The following ADAMTS16 variants were observed in gnomAD, a reference collection of about 807,000 sequenced individuals.
The protein encoded by ADAMTS16 is A disintegrin and metalloproteinase with thrombospondin motifs 16.
Under a neutral mutation model 145.8 loss-of-function variants are expected in ADAMTS16, and 94 were observed. That is an observed-to-expected ratio of 0.64 (90% confidence interval 0.55 to 0.77). The LOEUF is 0.77. Among genes scored for constraint, ADAMTS16 ranks in the 30% least tolerant of loss-of-function variants. The pLI is 0.00. For synonymous variants in ADAMTS16, 659 were observed against 604.3 expected, an observed-to-expected ratio of 1.09 and a Z score of -1.33; for missense variants, 1,585 against 1,591.5, an observed-to-expected ratio of 1.00 and a Z score of 0.07.
chr5:5,318,228 C>G lies in ADAMTS16; in HGVS notation c.3506C>G (p.Pro1169Arg). The part of the protein sequence containing the change: ...PASGCLLHQK[P>R]SASLACNTHF... ...TCAGGCTGCCTCCTGCACCAGAAGC[C>G]TTCGGCCTCCCTGGCCTGCAACACT... is the stretch of plus-strand genomic sequence containing the variant. Residue 1169 changes from proline (P) to arginine (R), a missense_variant, in exon 22 of 23, where the codon CCT becomes CGT. This residue lies in a region of ADAMTS16 where 834 missense variants were observed against 811.7 expected (regional missense o/e 1.03). Transcript: ENST00000274181. The G allele has an allele frequency of 6.4e-7, 1 of 1,568,146 alleles. No individual in the cohort carries two copies. Among genetic ancestry groups the G allele is most frequent in the Non-Finnish European group, 8.7e-7 (1 of 1,152,134 alleles).
intron 3 of ADAMTS16, among the ~76,000 whole-genome samples, chr5:5,178,345 G>A (rs908390597): frequency 1.3e-5 from 2 of 152,166 alleles, no homozygotes; most frequent in Non-Finnish European, 2.9e-5. Flanking sequence ...TAATCCACCC[G>A]CCTGACATTC....
intron 17 of ADAMTS16, among the ~76,000 whole-genome samples, chr5:5,255,150 T>C (rs1737741477): frequency 6.6e-6 from 1 of 152,188 alleles, no homozygotes; most frequent in Non-Finnish European, 1.5e-5. Context: ...GAGTATCCCA[T>C]TAGATTATTT....
chr5:5,254,087 T>C (rs944573117), intron 17 of ADAMTS16, among the ~76,000 whole-genome samples: 51 of 152,152 alleles, frequency 3.4e-4, no homozygotes, highest in Admixed American at 2.6e-4. Flanking sequence ...CACACTGTCT[T>C]GGCAACAGGG....
intron 8 of ADAMTS16, among the ~76,000 whole-genome samples, chr5:5,196,522 T>A (rs1229870413): frequency 6.6e-6 from 1 of 152,206 alleles, no homozygotes; most frequent in African/African-American, 2.4e-5. Context: ...GCTCTCTGGG[T>A]AGCTGTGGTA....
chr5:5,267,328 G>C (rs1738278883), intron 18 of ADAMTS16, among the ~76,000 whole-genome samples: 2 of 152,228 alleles, frequency 1.3e-5, no homozygotes, highest in African/African-American at 2.4e-5. Flanking sequence ...CCCGAGGACA[G>C]AGGGCTTTCT....
intron 17 of ADAMTS16, among the ~76,000 whole-genome samples, chr5:5,261,223 C>T (rs928646431): frequency 6.6e-6 from 1 of 152,192 alleles, no homozygotes; most frequent in Non-Finnish European, 1.5e-5. Flanking sequence ...CCACTGCAGC[C>T]TCTACCTTCC....
chr5:5,239,334 TAGCAG>T, intron 15 of ADAMTS16, 60 bp downstream of exon 15: 1 of 1,503,980 alleles, frequency 6.6e-7, no homozygotes. Flanking sequence ...TGGGGCTTCT[TAGCAG>T]AGCTTGAGGT....
Position 5,303,776 on chromosome 5 carries a change from C to G in ADAMTS16, c.3186+10C>G. On this transcript the variant is annotated intron_variant, in intron 20 of 22. Coordinates refer to ENST00000274181, the MANE Select transcript of ADAMTS16 (RefSeq NM_139056.4). ...GTCCGCCTGGTCCCAGGTAGGTGCACTGGTCTCGCGGGAGCGAGGTTGACT... is the reference window on the plus strand; with the variant it reads ...GTCCGCCTGGTCCCAGGTAGGTGCAGTGGTCTCGCGGGAGCGAGGTTGACT... 6.2e-7 allele frequency: 1 copy of G among 1,611,838 alleles called. No individual in the cohort carries two copies. The highest frequency in any genetic ancestry group is 8.5e-7 in the Non-Finnish European group (1 of 1,179,256).
At chr5:5,200,605 G>C (rs750322128) in intron 9 of ADAMTS16, among the ~76,000 whole-genome samples, 1 of 152,132 alleles carries the variant, frequency 6.6e-6, no homozygotes, top group African/African-American at 2.4e-5. Context: ...TAGAAAGATC[G>C]TACATGTACA....
At chr5:5,219,067 C>G (rs537011037) in intron 10 of ADAMTS16, among the ~76,000 whole-genome samples, 4 of 152,084 alleles carry the variant, frequency 2.6e-5, no homozygotes, top group Admixed American at 2.6e-4. Flanking sequence ...TCTGTTCTCA[C>G]TTAGGTCTGT....
intron 3 of ADAMTS16, among the ~76,000 whole-genome samples, chr5:5,167,340 G>T (rs1734910511): frequency 6.6e-6 from 1 of 152,182 alleles, no homozygotes; most frequent in South Asian, 2.1e-4. Context: ...TTGTTCCACG[G>T]TATGGAATGA....
At chr5:5,305,605 G>A (rs1397127647) in intron 20 of ADAMTS16, among the ~76,000 whole-genome samples, 1 of 152,140 alleles carries the variant, frequency 6.6e-6, no homozygotes, top group Non-Finnish European at 1.5e-5. Flanking sequence ...GCAACCAAGA[G>A]GAGTGTTCCA....
At chr5:5,289,297 T>C (rs188668903) in intron 18 of ADAMTS16, among the ~76,000 whole-genome samples, 1 of 152,250 alleles carries the variant, frequency 6.6e-6, no homozygotes, top group Non-Finnish European at 1.5e-5. Flanking sequence ...ATACACTACA[T>C]GTAAGGTGCG....
intron 17 of ADAMTS16, among the ~76,000 whole-genome samples, chr5:5,244,253 G>A (rs955960924): frequency 7.2e-5 from 11 of 152,260 alleles, no homozygotes; most frequent in South Asian, 2.1e-4. Flanking sequence ...CTCTGTTTTC[G>A]TAGATGGATA....
intron 18 of ADAMTS16, among the ~76,000 whole-genome samples, chr5:5,278,094 G>GA (rs879811475): frequency 5.3e-4 from 81 of 152,268 alleles, no homozygotes; most frequent in African/African-American, 1.9e-3. Context: ...TATTATTTCA[G>GA]TGAACTTATT....
intron 2 of ADAMTS16, among the ~76,000 whole-genome samples, chr5:5,144,030 G>T (rs1419283284): frequency 1.3e-5 from 2 of 152,044 alleles, no homozygotes; most frequent in Non-Finnish European, 2.9e-5. Flanking sequence ...AATGTAGATG[G>T]CAGGTTGATG....
chr5:5,200,149 A>G lies in ADAMTS16; in HGVS notation c.1331A>G (p.Asp444Gly). 1 of 1,611,634 alleles carries G rather than the reference A, an allele frequency of 6.2e-7. No individual in the cohort carries two copies. Among genetic ancestry groups the G allele is most frequent in the Non-Finnish European group, 8.5e-7 (1 of 1,178,800 alleles). ...ESGHNFGMIH[D>G]GEGNMCKKSE... Reference sequence around the variant, plus strand: ...TCTCATAGCTTTGGCATGATTCATGATGGAGAAGGGAACATGTGCAAAAAG... The same window carrying G: ...TCTCATAGCTTTGGCATGATTCATGGTGGAGAAGGGAACATGTGCAAAAAG... Residue 444 changes from aspartate to glycine, a missense_variant, in exon 9 of 23, where the codon GAT (aspartate) becomes GGT (glycine). Physicochemically the swap from Asp to Gly is moderately conservative, Grantham distance 94 (BLOSUM62 -1). Coordinates refer to ENST00000274181, the MANE Select transcript of ADAMTS16 (RefSeq NM_139056.4).
In ADAMTS16 at chr5:5,275,177, A is replaced by G. The variant is rs556400330; in HGVS notation, c.2789+12394A>G. Among the ~76,000 whole-genome samples, 4 of 152,346 alleles carry G rather than the reference A, an allele frequency of 2.6e-5. No individual in the cohort carries two copies. In the South Asian group the frequency reaches 6.2e-4, roughly 24 times the overall value. On this transcript the variant is annotated intron_variant, in intron 18 of 22. Transcript: ENST00000274181. ...ACACAATATATTGTTTTTAGATACA[A>G]TTAGGCACCATTGCTCTATTCTCTG...
intron 11 of ADAMTS16, among the ~76,000 whole-genome samples, chr5:5,224,642 A>G (rs1178292192): frequency 1.3e-5 from 2 of 152,358 alleles, no homozygotes; most frequent in East Asian, 3.9e-4. Flanking sequence ...TGGCATGGAA[A>G]TTCTAATTGT....
Sources: allele counts gnomAD v4.1 joint callset (sites outside exome capture counted in the v4.1 genomes callset), GRCh38; gene constraint gnomAD v4.1.1; regional missense constraint gnomAD v4.1.1; transcripts MANE v1.5; gene names NCBI Gene and HGNC (gene_info 2026-07-23, HGNC 2026-07-21).